VGLL4: variants seen among roughly 807,000 people sequenced by gnomAD.
The protein encoded by VGLL4 is vestigial like family member 4, also known as transcription cofactor vestigial-like protein 4.
A neutral mutation model predicts 21.0 loss-of-function variants in VGLL4; 7 were observed. The observed-to-expected ratio is 0.33, with a 90% CI of 0.19 to 0.63. The LOEUF (loss-of-function observed/expected upper bound fraction) is 0.63. VGLL4 is among the 20% of genes least tolerant of loss of function. The pLI is 0.78. For synonymous variants in VGLL4, 222 were observed against 173.2 expected (o/e 1.28, Z -2.21); for missense variants, 394 against 425.7 (o/e 0.93, Z 0.66).
At chr3:11,696,883 G>A (rs948235205) in intron 2 of VGLL4, among the ~76,000 whole-genome samples, 2 of 152,040 alleles carry the variant, frequency 1.3e-5, no homozygotes, top group Non-Finnish European at 2.9e-5. Context: ...GGACCCCGCC[G>A]GGTATGTGCC....
At chr3:11,628,810 ACT>A (rs1298993205) in intron 1 of VGLL4, among the ~76,000 whole-genome samples, 1 of 152,218 alleles carries the variant, frequency 6.6e-6, no homozygotes, top group Non-Finnish European at 1.5e-5. Context: ...ACAGAGCGAG[ACT>A]CTGTCTCAAA....
In VGLL4 at chr3:11,717,490, A is replaced by ATTTTTTTTTTTTTTT. The variant is rs60921966; in HGVS notation, c.-14+2889_-14+2903dup. Among the ~76,000 whole-genome samples the ATTTTTTTTTTTTTTT allele has an allele frequency of 4.2e-4, 31 of 72,946 alleles. 2 individuals carry two copies. The highest frequency in any genetic ancestry group is 1.8e-3 in the African/African-American group (28 of 15,382). The allele number at this position is 72,946 out of a possible 152,430, so 47.9% of individuals were successfully genotyped here. On this transcript the variant is annotated intron_variant, in intron 1 of 5. Transcript: ENST00000273038. ...AGTTAAGAGGAATTTCCCACTACAG[A>ATTTTTTTTTTTTTTT]TTTTTTTTTTTTTTTTTTTTTTTTG...
At chr3:11,642,457 T>C (rs2075711667) in intron 1 of VGLL4, among the ~76,000 whole-genome samples, 1 of 152,178 alleles carries the variant, frequency 6.6e-6, no homozygotes, top group Non-Finnish European at 1.5e-5. Flanking sequence ...TCAAGAGAAA[T>C]GTCCCGTGTA....
At chr3:11,671,604 T>C (rs2076217881) in intron 2 of VGLL4, among the ~76,000 whole-genome samples, 1 of 152,262 alleles carries the variant, frequency 6.6e-6, no homozygotes, top group African/African-American at 2.4e-5. Flanking sequence ...AACATTCCCA[T>C]ATGGGGTGGT....
chr3:11,640,376 G>A (rs1200006742), intron 1 of VGLL4, among the ~76,000 whole-genome samples: 1 of 152,140 alleles, frequency 6.6e-6, no homozygotes, highest in East Asian at 1.9e-4. Context: ...ACCTTTGCAT[G>A]GAGACAGAGG....
At chr3:11,595,459 C>T (rs1483865079) in intron 2 of VGLL4, among the ~76,000 whole-genome samples, 1 of 152,010 alleles carries the variant, frequency 6.6e-6, no homozygotes, top group East Asian at 1.9e-4. Context: ...CTAGAAATAC[C>T]ATTTGACCCA....
At position 11,682,311 on chromosome 3, in the gene VGLL4, A is replaced by G. The variant is rs565080939; in HGVS notation, c.64+20660T>C. On this transcript the variant is annotated intron_variant, in intron 2 of 5. Transcript: ENST00000273038. ...TCCCAGCTACTTGGGAGGCTGAGGC[A>G]GGAGAATAGCTTGAACCCGGGAGGT... 2.0e-3 allele frequency among the ~76,000 whole-genome samples: 302 copies of G among 150,358 alleles called. 2 individuals carry two copies. The highest frequency in any genetic ancestry group is 7.3e-3 in the African/African-American group (297 of 40,886).
chr3:11,558,454 T>TTC lies in VGLL4; in HGVS notation c.*101_*102insGA. On this transcript the variant is annotated 3_prime_UTR_variant, in exon 5 of 5. Coordinates refer to ENST00000430365, the MANE Select transcript of VGLL4 (RefSeq NM_001128219.3). ...TTTGCAAATAAACCATCCCTTCCCT[T>TTC]CCCCCCACCCCACCCCCATGATTTT... The TTC allele has an allele frequency of 9.4e-7, 1 of 1,064,148 alleles. No homozygotes were observed. The highest frequency in any genetic ancestry group is 1.3e-6 in the Non-Finnish European group (1 of 775,574). 65.9% of individuals were successfully genotyped at this position (1,064,148 alleles called of 1,614,324 possible). A position where few individuals can be genotyped will look rare whatever the true frequency, so the allele number is the denominator to read the frequency against.
intron 2 of VGLL4, among the ~76,000 whole-genome samples, chr3:11,578,901 C>A (rs1039948194): frequency 6.6e-6 from 1 of 151,928 alleles, no homozygotes; most frequent in East Asian, 1.9e-4. Flanking sequence ...AAGCGCCCGC[C>A]ACCACGCCCG....
At chr3:11,582,191 C>A (rs2074246347) in intron 2 of VGLL4, 2 of 1,408,440 alleles carry the variant, frequency 1.4e-6, no homozygotes, top group African/African-American at 1.4e-5. Flanking sequence ...TGCTGTCTCG[C>A]AGTTTAAATT....
intron 2 of VGLL4, among the ~76,000 whole-genome samples, chr3:11,652,172 C>G (rs1222056828): frequency 6.6e-6 from 1 of 152,114 alleles, no homozygotes; most frequent in Non-Finnish European, 1.5e-5. Flanking sequence ...AAGCAAACTG[C>G]AGAATTCGTG....
chr3:11,635,982 T>C (rs1352834622), intron 1 of VGLL4, among the ~76,000 whole-genome samples: 2 of 152,344 alleles, frequency 1.3e-5, no homozygotes, highest in African/African-American at 4.8e-5. Flanking sequence ...GGTCAGCCAA[T>C]AGTTTATCAG....
chr3:11,650,376 A>C (rs1020402352), intron 2 of VGLL4, among the ~76,000 whole-genome samples: 2 of 152,230 alleles, frequency 1.3e-5, no homozygotes, highest in African/African-American at 2.4e-5. Context: ...CCACTTTAGA[A>C]TAGATCACCA....
At chr3:11,681,781 T>C (rs1411242300) in intron 2 of VGLL4, among the ~76,000 whole-genome samples, 5 of 152,120 alleles carry the variant, frequency 3.3e-5, no homozygotes, top group South Asian at 2.1e-4. Flanking sequence ...ATGCTAAGGA[T>C]GGAATGCAAA....
At chr3:11,601,545 C>G (rs1174267367) in intron 2 of VGLL4, among the ~76,000 whole-genome samples, 1 of 152,180 alleles carries the variant, frequency 6.6e-6, no homozygotes, top group Non-Finnish European at 1.5e-5. Context: ...CAGATGACTA[C>G]TCGACTGCTC....
intron 2 of VGLL4, among the ~76,000 whole-genome samples, chr3:11,680,916 G>A (rs2076359336): frequency 6.6e-6 from 1 of 152,100 alleles, no homozygotes; most frequent in Non-Finnish European, 1.5e-5. Flanking sequence ...GGAGGGTGGC[G>A]GAATCCCCGC....
At chr3:11,666,328 G>A (rs971298240) in intron 2 of VGLL4, among the ~76,000 whole-genome samples, 2 of 152,100 alleles carry the variant, frequency 1.3e-5, no homozygotes, top group Non-Finnish European at 2.9e-5. Context: ...GGAGGCCAGC[G>A]TGACTTACAG....
chr3:11,615,068 C>T (rs2075136668), intron 1 of VGLL4, among the ~76,000 whole-genome samples: 1 of 152,154 alleles, frequency 6.6e-6, no homozygotes, highest in Non-Finnish European at 1.5e-5. Context: ...TGGGAGACAT[C>T]TTATTTCACC....
At chr3:11,563,505 A>C (rs2073215868) in intron 3 of VGLL4, among the ~76,000 whole-genome samples, 2 of 152,022 alleles carry the variant, frequency 1.3e-5, no homozygotes, top group Admixed American at 1.3e-4. Flanking sequence ...CCCCAATTAG[A>C]CTGGGAGCTC....
Sources: allele counts gnomAD v4.1 joint callset (sites outside exome capture counted in the v4.1 genomes callset), GRCh38; gene constraint gnomAD v4.1.1; transcripts MANE v1.5; gene names NCBI Gene and HGNC (gene_info 2026-07-23, HGNC 2026-07-21).